The following NXPH1 variants were observed in gnomAD, a reference collection of about 807,000 sequenced individuals.
The protein encoded by NXPH1 is neurexophilin 1.
NXPH1 carries 5 observed loss-of-function variants against 23.7 expected under a neutral mutation model. That is an observed-to-expected ratio of 0.21 (90% CI 0.11 to 0.44). NXPH1 has a LOEUF of 0.44. NXPH1 is among the 20% of genes least tolerant of loss of function. The pLI is 0.99. For missense variants in NXPH1, 324 were observed against 321.6 expected (o/e 1.01, Z -0.06); for synonymous variants, 144 against 122.2 (o/e 1.18, Z -1.18).
intron 2 of NXPH1, among the ~76,000 whole-genome samples, chr7:8,454,127 T>G (rs2128605886): frequency 6.6e-6 from 1 of 152,120 alleles, no homozygotes; most frequent in African/African-American, 2.4e-5. Context: ...TCAGGAAAAC[T>G]AACTAATGGG....
intron 2 of NXPH1, among the ~76,000 whole-genome samples, chr7:8,511,645 C>G (rs1817613839): frequency 6.6e-6 from 1 of 152,118 alleles, no homozygotes; most frequent in Non-Finnish European, 1.5e-5. Flanking sequence ...TCTCTTCCAA[C>G]CCCCTGGCCC....
chr7:8,557,986 C>T (rs1198896115), intron 2 of NXPH1, among the ~76,000 whole-genome samples: 5 of 151,588 alleles, frequency 3.3e-5, no homozygotes, highest in Admixed American at 3.3e-4. Flanking sequence ...TCCTCTCTGC[C>T]CGCACAGTCC....
At chr7:8,518,609 C>T (rs1817723783) in intron 2 of NXPH1, among the ~76,000 whole-genome samples, 1 of 151,902 alleles carries the variant, frequency 6.6e-6, no homozygotes, top group African/African-American at 2.4e-5. Context: ...GCCTCAGCTC[C>T]CCAAGTAGCT....
At chr7:8,561,638 C>G (rs933955605) in intron 2 of NXPH1, among the ~76,000 whole-genome samples, 51 of 151,562 alleles carry the variant, frequency 3.4e-4, no homozygotes, top group African/African-American at 1.2e-3. Context: ...TTGAGGCTGA[C>G]TTTTCTGCTA....
intron 2 of NXPH1, among the ~76,000 whole-genome samples, chr7:8,496,614 T>C (rs560625063): frequency 2.3e-4 from 35 of 152,152 alleles, no homozygotes; most frequent in Admixed American, 2.2e-3. Flanking sequence ...CAGGCTACAG[T>C]AGCATCGCCT....
At chr7:8,521,689 T>G (rs1817774082) in intron 2 of NXPH1, among the ~76,000 whole-genome samples, 1 of 152,206 alleles carries the variant, frequency 6.6e-6, no homozygotes, top group Non-Finnish European at 1.5e-5. Context: ...TAGACATCAT[T>G]GCATAGTCTG....
intron 2 of NXPH1, among the ~76,000 whole-genome samples, chr7:8,619,134 G>T (rs868199863): frequency 2.4e-4 from 37 of 152,230 alleles, no homozygotes; most frequent in African/African-American, 8.4e-4. Flanking sequence ...GTCTGCCCTG[G>T]TACCCTTGGC....
At chr7:8,505,959 C>T (rs1435333815) in intron 2 of NXPH1, among the ~76,000 whole-genome samples, 3 of 151,978 alleles carry the variant, frequency 2.0e-5, no homozygotes. Context: ...TTATAGTGTC[C>T]ATATGGTTCT....
At chr7:8,518,220 T>C (rs1209764210) in intron 2 of NXPH1, among the ~76,000 whole-genome samples, 1 of 152,148 alleles carries the variant, frequency 6.6e-6, no homozygotes, top group African/African-American at 2.4e-5. Context: ...TTCTTCCATA[T>C]TAAGAACGAT....
At chr7:8,556,918 T>G (rs1243986815) in intron 2 of NXPH1, among the ~76,000 whole-genome samples, 2 of 151,726 alleles carry the variant, frequency 1.3e-5, no homozygotes, top group African/African-American at 4.8e-5. Flanking sequence ...CATTTATTCC[T>G]GTCCCCATTC....
intron 2 of NXPH1, among the ~76,000 whole-genome samples, chr7:8,557,828 T>C (rs1818384992): frequency 6.6e-6 from 1 of 151,700 alleles, no homozygotes; most frequent in African/African-American, 2.4e-5. Context: ...CATATTTTCC[T>C]CCTTGTGCTA....
At chr7:8,592,618 C>T (rs1819122158) in intron 2 of NXPH1, among the ~76,000 whole-genome samples, 2 of 151,906 alleles carry the variant, frequency 1.3e-5, no homozygotes, top group African/African-American at 4.8e-5. Context: ...GAAATCTTGG[C>T]AAATGTTTCC....
At chr7:8,569,615 G>C (rs1752426940) in intron 2 of NXPH1, among the ~76,000 whole-genome samples, 2 of 151,882 alleles carry the variant, frequency 1.3e-5, no homozygotes, top group African/African-American at 2.4e-5. Context: ...GAAGCTGGAT[G>C]ATGGGTCTAT....
At chr7:8,476,787 T>C (rs1816981519) in intron 2 of NXPH1, among the ~76,000 whole-genome samples, 1 of 152,022 alleles carries the variant, frequency 6.6e-6, no homozygotes, top group Admixed American at 6.6e-5. Context: ...ATTAATTAAA[T>C]AAAAATACCC....
chr7:8,689,415 G>C (rs896588150), intron 2 of NXPH1, among the ~76,000 whole-genome samples: 1 of 152,066 alleles, frequency 6.6e-6, no homozygotes, highest in Non-Finnish European at 1.5e-5. Flanking sequence ...CCTTGTAAAA[G>C]TATGGGCAAG....
intron 2 of NXPH1, among the ~76,000 whole-genome samples, chr7:8,465,510 G>A (rs1453923332): frequency 1.3e-5 from 2 of 152,128 alleles, no homozygotes; most frequent in Non-Finnish European, 2.9e-5. Context: ...CTGACAAGTA[G>A]ATAGATGAGC....
At chr7:8,515,891 C>T (rs1045078479) in intron 2 of NXPH1, among the ~76,000 whole-genome samples, 10 of 152,128 alleles carry the variant, frequency 6.6e-5, no homozygotes, top group Non-Finnish European at 1.5e-4. Flanking sequence ...ACTCATTACT[C>T]TGCTATCTTA....
chr7:8,635,490 G>T (rs1820205104), intron 2 of NXPH1, among the ~76,000 whole-genome samples: 1 of 152,064 alleles, frequency 6.6e-6, no homozygotes, highest in Admixed American at 6.6e-5. Flanking sequence ...ATTGGTTTCT[G>T]GTATTTCCTC....
At chr7:8,734,414 G>C (rs1402429898) in intron 2 of NXPH1, among the ~76,000 whole-genome samples, 2 of 152,154 alleles carry the variant, frequency 1.3e-5, no homozygotes, top group African/African-American at 4.8e-5. Flanking sequence ...TGCAAAGAAC[G>C]TCAATGGTAG....
Sources: gnomAD v4.1 joint callset for allele counts (sites outside exome capture counted in the v4.1 genomes callset) on GRCh38, gnomAD v4.1.1 for gene constraint, MANE v1.5 for transcripts, NCBI Gene and HGNC (gene_info 2026-07-23, HGNC 2026-07-21) for gene names.